NXPE2: variants seen among roughly 807,000 people sequenced by gnomAD.
NXPE2 encodes the protein neurexophilin and PC-esterase domain family member 2, also known as NXPE family member 2.
A neutral mutation model predicts 34.4 loss-of-function variants in NXPE2; 34 were observed. The observed-to-expected ratio is 0.99, with a 90% CI of 0.75 to 1.31. The LOEUF is 1.31. Among genes scored for constraint, NXPE2 ranks in the 40% most tolerant of loss-of-function variants. The pLI, the probability that NXPE2 is intolerant of heterozygous loss-of-function variation, is 0.00. For missense variants in NXPE2, 649 were observed against 672.5 expected (o/e 0.97, Z 0.39); for synonymous variants, 235 against 231.3 (o/e 1.02, Z -0.15).
intron 2 of NXPE2, among the ~76,000 whole-genome samples, chr11:114,693,011 A>G (rs928570588): frequency 6.6e-5 from 10 of 152,158 alleles, no homozygotes; most frequent in African/African-American, 1.7e-4. Flanking sequence ...TGAATCTACA[A>G]TTATCTCAAA....
At chr11:114,481,286 A>G in the NXPE2 span, among the ~76,000 whole-genome samples, 441 of 152,260 alleles carry the variant, frequency 2.9e-3, 10 homozygotes, top group Non-Finnish European at 4.0e-4. Context: ...TGAAATTTCT[A>G]TCTCGTTTCT....
chr11:114,726,055 C>A, the NXPE2 span, among the ~76,000 whole-genome samples: 1 of 148,528 alleles, frequency 6.7e-6, no homozygotes, highest in Non-Finnish European at 1.5e-5. Flanking sequence ...AGTGTGAATG[C>A]ACTGACAAAA....
chr11:114,597,248 A>G, the NXPE2 span, among the ~76,000 whole-genome samples: 14 of 152,304 alleles, frequency 9.2e-5, no homozygotes, highest in Admixed American at 3.9e-4. Flanking sequence ...GATTAGCCCA[A>G]TAGAAGGAAA....
chr11:114,563,509 G>A, the NXPE2 span, among the ~76,000 whole-genome samples: 4 of 152,130 alleles, frequency 2.6e-5, no homozygotes, highest in Non-Finnish European at 5.9e-5. Context: ...CACAGCAAAG[G>A]AAATAATCAG....
chr11:114,540,860 T>G, the NXPE2 span, among the ~76,000 whole-genome samples: 1 of 66,286 alleles, frequency 1.5e-5, no homozygotes, highest in African/African-American at 1.3e-4. Context: ...TTTTTTTTTT[T>G]TTTTTTTTTT....
chr11:114,713,056 C>T, the NXPE2 span, among the ~76,000 whole-genome samples: 2 of 152,122 alleles, frequency 1.3e-5, no homozygotes, highest in African/African-American at 4.8e-5. Context: ...GATTCCACTC[C>T]TATGATGTAT....
chr11:114,788,872 C>G, the NXPE2 span, among the ~76,000 whole-genome samples: 2 of 152,264 alleles, frequency 1.3e-5, no homozygotes, highest in South Asian at 4.1e-4. Flanking sequence ...ATTGTCATCT[C>G]CTTGAGGGCA....
the NXPE2 span, among the ~76,000 whole-genome samples, chr11:114,490,976 C>G: frequency 1.3e-5 from 2 of 150,444 alleles, no homozygotes; most frequent in Non-Finnish European, 3.0e-5. Flanking sequence ...TCCTGGCTAA[C>G]AAGGTGAAAC....
At chr11:114,755,027 G>T in the NXPE2 span, among the ~76,000 whole-genome samples, 2 of 152,202 alleles carry the variant, frequency 1.3e-5, no homozygotes, top group Non-Finnish European at 2.9e-5. Context: ...TTTTTGCAAT[G>T]TGGAGGTCAT....
the NXPE2 span, among the ~76,000 whole-genome samples, chr11:114,558,922 T>C: frequency 6.6e-6 from 1 of 152,182 alleles, no homozygotes; most frequent in African/African-American, 2.4e-5. Flanking sequence ...TGTAGGGAAT[T>C]AAATAGACTT....
chr11:114,782,202 T>C, the NXPE2 span, among the ~76,000 whole-genome samples: 2 of 152,230 alleles, frequency 1.3e-5, no homozygotes, highest in African/African-American at 4.8e-5. Flanking sequence ...ATATTTTTGA[T>C]CTGCAATTGG....
chr11:114,649,145 A>C, the NXPE2 span, among the ~76,000 whole-genome samples: 1 of 139,738 alleles, frequency 7.2e-6, no homozygotes, highest in African/African-American at 2.6e-5. Flanking sequence ...TTTTTTTTTT[A>C]ACTGGTGGGG....
chr11:114,569,829 G>A, the NXPE2 span, among the ~76,000 whole-genome samples: 1 of 152,118 alleles, frequency 6.6e-6, no homozygotes, highest in South Asian at 2.1e-4. Flanking sequence ...CTGCTGCAAA[G>A]TGTGACCCCT....
At chr11:114,639,971 TATATAATATA>T in the NXPE2 span, among the ~76,000 whole-genome samples, 1 of 109,844 alleles carries the variant, frequency 9.1e-6, no homozygotes, top group Non-Finnish European at 1.7e-5. Flanking sequence ...AAATATATTA[TATATAATATA>T]ATATAATAAT....
chr11:114,663,629 C>T, the NXPE2 span, among the ~76,000 whole-genome samples: 1,032 of 99,936 alleles, frequency 0.01, 15 homozygotes, highest in African/African-American at 0.033. Context: ...ATCTATCTAT[C>T]TATCTATCAT....
At chr11:114,528,677 G>A in the NXPE2 span, 1,496 of 455,822 alleles carry the variant, frequency 3.3e-3, 9 homozygotes, top group Non-Finnish European at 2.6e-3. Context: ...CTGCTTGAAA[G>A]CTCTTACTCA....
the NXPE2 span, among the ~76,000 whole-genome samples, chr11:114,536,406 A>C: frequency 2.6e-5 from 4 of 152,348 alleles, no homozygotes; most frequent in East Asian, 7.7e-4. Context: ...TTCAAAAGCT[A>C]GCAGAAGGCA....
the NXPE2 span, among the ~76,000 whole-genome samples, chr11:114,538,760 C>T: frequency 4.6e-5 from 7 of 151,864 alleles, no homozygotes; most frequent in East Asian, 3.9e-4. Context: ...GTTAGAATGG[C>T]GATCATTAAA....
chr11:114,627,772 C>A, the NXPE2 span, among the ~76,000 whole-genome samples: 1 of 152,138 alleles, frequency 6.6e-6, no homozygotes, highest in African/African-American at 2.4e-5. Context: ...ATTCAGGAAA[C>A]CCATCTCACA....
Sources: gnomAD v4.1 joint callset for allele counts (sites outside exome capture counted in the v4.1 genomes callset) on GRCh38, gnomAD v4.1.1 for gene constraint, MANE v1.5 for transcripts, NCBI Gene and HGNC (gene_info 2026-07-23, HGNC 2026-07-21) for gene names.